Variants in MIPOL1 observed in about 807,000 individuals in gnomAD.
The protein encoded by MIPOL1 is mirror-image polydactyly 1.
In MIPOL1, 57 loss-of-function variants were observed where a neutral mutation model predicts 60.9. The observed-to-expected ratio is 0.94, with a 90% CI of 0.76 to 1.17. MIPOL1 has a LOEUF of 1.17. Among genes scored for constraint, MIPOL1 ranks in the 50% most tolerant of loss-of-function variants. The pLI is 0.00. For synonymous variants in MIPOL1, 179 were observed against 168.8 expected, an observed-to-expected ratio of 1.06 and a Z score of -0.47; for missense variants, 551 against 511.6, an observed-to-expected ratio of 1.08 and a Z score of -0.74.
At chr14:37,518,038 T>C (rs975164449) in intron 12 of MIPOL1, among the ~76,000 whole-genome samples, 1 of 152,218 alleles carries the variant, frequency 6.6e-6, no homozygotes, top group Non-Finnish European at 1.5e-5. Flanking sequence ...CCTAACTGTA[T>C]AGCAAATTGA....
chr14:37,263,488 A>T (rs1316852025), intron 3 of MIPOL1, among the ~76,000 whole-genome samples: 1 of 152,200 alleles, frequency 6.6e-6, no homozygotes, highest in Non-Finnish European at 1.5e-5. Context: ...TAGTGATGGT[A>T]TGAGACAGTA....
intron 12 of MIPOL1, among the ~76,000 whole-genome samples, chr14:37,514,619 T>C (rs2095354645): frequency 6.6e-6 from 1 of 151,866 alleles, no homozygotes; most frequent in South Asian, 2.1e-4. Flanking sequence ...ATAGAAAATA[T>C]ACACTTTTTT....
intron 11 of MIPOL1, among the ~76,000 whole-genome samples, chr14:37,491,702 T>C (rs1208977591): frequency 2.0e-5 from 3 of 151,996 alleles, no homozygotes; most frequent in African/African-American, 7.3e-5. Context: ...TGACAACTTA[T>C]CCAGTTTAAA....
At position 37,405,698 on chromosome 14, in the gene MIPOL1, C is replaced by A. The variant is rs187801160; in HGVS notation, c.937-17157C>A. ...TTCTTTTATTTGAATACTTTTAGTA[C>A]TTTCATTTAATTGTGAACTGTTTCA... On this transcript the variant is annotated intron_variant, in intron 10 of 12. Coordinates refer to ENST00000684589, the MANE Select transcript of MIPOL1 (RefSeq NM_001388067.1). Among the ~76,000 whole-genome samples, 215 of 151,610 alleles carry A rather than the reference C, an allele frequency of 1.4e-3. 1 individual carries two copies. Among genetic ancestry groups the A allele is most frequent in the African/African-American group, 4.9e-3 (202 of 41,402 alleles).
rs565311884 is a variant in MIPOL1, at chr14:37,429,482, G to T, written c.1031+6533G>T. ...AAAGTTGACATTTTAGAACAAAAAT[G>T]TTGAAGAGAATTCTTCACTTTTTAA... is the stretch of plus-strand genomic sequence containing the variant. On this transcript the variant is annotated intron_variant, in intron 11 of 12. Transcript: ENST00000684589. Among the ~76,000 whole-genome samples, 46 of 152,216 alleles carry T rather than the reference G, an allele frequency of 3.0e-4. No individual in the cohort carries two copies. The East Asian group carries it at 7.5e-3, about 25-fold the overall frequency.
intron 11 of MIPOL1, among the ~76,000 whole-genome samples, chr14:37,466,249 T>C (rs1323282381): frequency 6.6e-6 from 1 of 152,206 alleles, no homozygotes; most frequent in Non-Finnish European, 1.5e-5. Flanking sequence ...AAGAGAAGTT[T>C]GGTGGTTGTT....
intron 9 of MIPOL1, among the ~76,000 whole-genome samples, chr14:37,360,305 G>C (rs1022021673): frequency 6.6e-6 from 1 of 152,112 alleles, no homozygotes; most frequent in Non-Finnish European, 1.5e-5. Flanking sequence ...TCTCTGCCAC[G>C]CTTTGGTATC....
In MIPOL1 at chr14:37,509,871, AT is replaced by A. The variant is rs745451909; in HGVS notation, c.1262+9739del. ...TATGTATATGTACATATATGTAGGC[AT>A]TTTTTAAATTAAGAAACTGTAGAAA... On this transcript the variant is annotated intron_variant, in intron 12 of 12. Transcript: ENST00000684589. Among the ~76,000 whole-genome samples, 7 of 151,666 alleles carry A rather than the reference AT, an allele frequency of 4.6e-5. No homozygotes were observed. In the East Asian group the frequency reaches 1.2e-3, roughly 25 times the overall value.
intron 12 of MIPOL1, among the ~76,000 whole-genome samples, chr14:37,539,027 C>G (rs1252516622): frequency 4.6e-5 from 7 of 151,904 alleles, no homozygotes; most frequent in Admixed American, 4.6e-4. Context: ...ATGGTGAAAC[C>G]CCGTCTCTAC....
intron 1 of MIPOL1, among the ~76,000 whole-genome samples, chr14:37,244,391 G>A (rs1226933681): frequency 6.6e-6 from 1 of 151,536 alleles, no homozygotes; most frequent in African/African-American, 2.4e-5. Context: ...AAAGTGCTGG[G>A]ATTACAGGCG....
intron 12 of MIPOL1, among the ~76,000 whole-genome samples, chr14:37,512,600 C>T (rs936007670): frequency 6.6e-6 from 1 of 151,720 alleles, no homozygotes; most frequent in Non-Finnish European, 1.5e-5. Flanking sequence ...AATGAAAGGC[C>T]TCAGTGAATT....
chr14:37,369,474 T>A (rs1595445024), intron 9 of MIPOL1, 43 bp from the exon 10 acceptor site: 2 of 1,423,236 alleles, frequency 1.4e-6, no homozygotes, highest in South Asian at 2.4e-5. Context: ...TGAAAAAAAA[T>A]GCTATAACTC....
intron 1 of MIPOL1, among the ~76,000 whole-genome samples, chr14:37,234,933 G>A (rs1182814846): frequency 6.8e-6 from 1 of 147,648 alleles, no homozygotes; most frequent in East Asian, 2.0e-4. Context: ...CCACCACCAC[G>A]TACGGCTAAT....
intron 9 of MIPOL1, among the ~76,000 whole-genome samples, chr14:37,356,897 G>A (rs371380514): frequency 6.6e-6 from 1 of 152,148 alleles, no homozygotes; most frequent in East Asian, 1.9e-4. Flanking sequence ...GCTGTAGACC[G>A]GAGCTGTTTC....
intron 3 of MIPOL1, among the ~76,000 whole-genome samples, chr14:37,250,087 T>G (rs1594736517): frequency 6.6e-6 from 1 of 152,106 alleles, no homozygotes; most frequent in Non-Finnish European, 1.5e-5. Context: ...AAGATACAGA[T>G]GCATAGACAG....
At chr14:37,209,505 C>A (rs1014335024) in intron 1 of MIPOL1, among the ~76,000 whole-genome samples, 1 of 151,788 alleles carries the variant, frequency 6.6e-6, no homozygotes, top group East Asian at 1.9e-4. Flanking sequence ...CTAAAAAATA[C>A]AAAAATTACC....
At chr14:37,505,804 G>A (rs538294810) in intron 12 of MIPOL1, 6 of 152,266 alleles carry the variant, frequency 3.9e-5, no homozygotes, top group African/African-American at 1.4e-4. Context: ...AAGAAAAGAG[G>A]AAGTCAAATT....
intron 9 of MIPOL1, among the ~76,000 whole-genome samples, chr14:37,351,865 T>A (rs2091419074): frequency 6.6e-6 from 1 of 150,798 alleles, no homozygotes; most frequent in Non-Finnish European, 1.5e-5. Context: ...AGGTTGCCTG[T>A]TCACTCTGAT....
At chr14:37,478,781 T>A (rs2094817075) in intron 11 of MIPOL1, among the ~76,000 whole-genome samples, 1 of 152,084 alleles carries the variant, frequency 6.6e-6, no homozygotes, top group Non-Finnish European at 1.5e-5. Flanking sequence ...GACAATTTAA[T>A]TCAAAAGCTG....
Sources: allele counts gnomAD v4.1 joint callset (sites outside exome capture counted in the v4.1 genomes callset), GRCh38; gene constraint gnomAD v4.1.1; transcripts MANE v1.5; gene names NCBI Gene and HGNC (gene_info 2026-07-23, HGNC 2026-07-21).